EDA: variants seen among roughly 807,000 people sequenced by gnomAD.
EDA encodes the protein ectodysplasin A.
In EDA, 2 loss-of-function variants were observed where a neutral mutation model predicts 23.6. The ratio of observed to expected loss-of-function variants is 0.08; its 90% CI spans 0.03 to 0.27. The LOEUF is 0.27. Among genes scored for constraint, EDA ranks in the 10% least tolerant of loss-of-function variants. The pLI, the probability that EDA is intolerant of heterozygous loss-of-function variation, is 1.00. For missense variants in EDA, 229 were observed against 324.2 expected, an observed-to-expected ratio of 0.71 and a Z score of 2.26; for synonymous variants, 131 against 132.0, an observed-to-expected ratio of 0.99 and a Z score of 0.05.
At chrX:69,803,387 T>A (rs2015740852) in intron 1 of EDA, among the ~76,000 whole-genome samples, 1 of 110,946 alleles carries the variant, frequency 9.0e-6, no homozygotes, top group South Asian at 3.8e-4. Flanking sequence ...TAGTGTTTTT[T>A]AAAACTTAGG....
chrX:69,669,787 G>A (rs966563104), intron 1 of EDA, among the ~76,000 whole-genome samples: 7 of 110,935 alleles, frequency 6.3e-5, no homozygotes, highest in African/African-American at 2.3e-4. Flanking sequence ...ACTGAGCATA[G>A]TACCTAATAG....
chrX:69,794,945 T>A (rs773942710), intron 1 of EDA, among the ~76,000 whole-genome samples: 22 of 112,185 alleles, frequency 2.0e-4, no homozygotes, highest in African/African-American at 6.8e-4. Flanking sequence ...TGCAAATGAA[T>A]TTGAAACTCT....
chrX:69,904,252 A>G (rs761086774), intron 1 of EDA, among the ~76,000 whole-genome samples: 15 of 112,292 alleles, frequency 1.3e-4, no homozygotes, highest in Non-Finnish European at 2.4e-4. Flanking sequence ...ATATACAAGA[A>G]TTATTGTTAA....
At chrX:70,025,585 T>C (rs1013981379) in intron 3 of EDA, among the ~76,000 whole-genome samples, 1 of 111,902 alleles carries the variant, frequency 8.9e-6, no homozygotes, top group African/African-American at 3.2e-5. Context: ...CCAAAGTGTG[T>C]CTGTGGCAGA....
intron 2 of EDA, among the ~76,000 whole-genome samples, chrX:70,011,222 T>G (rs2019870658): frequency 9.0e-6 from 1 of 111,689 alleles, no homozygotes; most frequent in African/African-American, 3.3e-5. Context: ...CATTTTGAAA[T>G]AACACTATAC....
chrX:69,723,461 A>C (rs1422205869), intron 1 of EDA, among the ~76,000 whole-genome samples: 1 of 111,974 alleles, frequency 8.9e-6, no homozygotes, highest in Non-Finnish European at 1.9e-5. Flanking sequence ...AGTAACTTGA[A>C]CTTTCTGAAC....
In EDA at chrX:69,682,358, G is replaced by C. The variant is rs192542462; in HGVS notation, c.396+65654G>C. 3.5e-5 allele frequency among the ~76,000 whole-genome samples: 4 copies of C among 112,728 alleles called. No homozygotes were observed. The Admixed American group carries it at 3.7e-4, about 10-fold the overall frequency. ...CTGTGGTGGGCTCCACCCAGTTGGA[G>C]CTTCCAGTCTGCTTTGTTCACCTAA... is the stretch of plus-strand genomic sequence containing the variant. On this transcript the variant is annotated intron_variant, in intron 1 of 7. Transcript: ENST00000374552.
At chrX:69,765,107 C>A (rs911893131) in intron 1 of EDA, among the ~76,000 whole-genome samples, 1 of 111,543 alleles carries the variant, frequency 9.0e-6, no homozygotes, top group Non-Finnish European at 1.9e-5. Context: ...ACTGAACAGC[C>A]AGAACTTTCT....
At chrX:69,735,594 T>C (rs192964477) in intron 1 of EDA, among the ~76,000 whole-genome samples, 51 of 111,817 alleles carry the variant, frequency 4.6e-4, no homozygotes, top group African/African-American at 1.6e-3. Context: ...TCTGTGCATG[T>C]ACAGCTTAGG....
At chrX:69,875,357 G>C (rs1427983656) in intron 1 of EDA, among the ~76,000 whole-genome samples, 2 of 111,566 alleles carry the variant, frequency 1.8e-5, no homozygotes, top group Admixed American at 9.5e-5. Flanking sequence ...CTTCAACAAA[G>C]CAAACAAAAA....
At chrX:69,698,139 C>A (rs761176320) in intron 1 of EDA, among the ~76,000 whole-genome samples, 9 of 111,891 alleles carry the variant, frequency 8.0e-5, no homozygotes, top group Admixed American at 2.8e-4. Context: ...GTTGCGGAGG[C>A]CATTTGTCCT....
rs1357048756 is a variant in EDA at position 69,765,303 on chromosome X, A to T, written c.396+148599A>T. Among the ~76,000 whole-genome samples, 4 of 112,612 alleles carry T rather than the reference A, an allele frequency of 3.6e-5. No homozygotes were observed. The East Asian group carries it at 1.1e-3, about 31-fold the overall frequency. Reference sequence around the variant, plus strand: ...TTATATAGGTTCTATCTACCTTGTTATACAAAAGATAATATTACCTGGTTT... The same window carrying T: ...TTATATAGGTTCTATCTACCTTGTTTTACAAAAGATAATATTACCTGGTTT... On this transcript the variant is annotated intron_variant, in intron 1 of 7. Coordinates refer to ENST00000374552, the MANE Select transcript of EDA (RefSeq NM_001399.5).
intron 1 of EDA, among the ~76,000 whole-genome samples, chrX:69,623,732 A>T (rs1932277120): frequency 9.2e-6 from 1 of 108,352 alleles, no homozygotes; most frequent in African/African-American, 3.4e-5. Context: ...CACAGGAACA[A>T]TGCAAGGTAG....
At chrX:69,687,577 A>T (rs1176093467) in intron 1 of EDA, 1 of 111,632 alleles carries the variant, frequency 9.0e-6, no homozygotes. Context: ...TTAATGTCCA[A>T]TTTATCTAAT....
At chrX:69,913,657 A>G (rs1180500360) in intron 1 of EDA, among the ~76,000 whole-genome samples, 1 of 112,052 alleles carries the variant, frequency 8.9e-6, no homozygotes, top group African/African-American at 3.2e-5. Flanking sequence ...TTTCCTTCAA[A>G]CACTTTTCCT....
In EDA at chrX:69,663,301, G is replaced by A. The variant is rs147596492; in HGVS notation, c.396+46597G>A. 6.2e-5 allele frequency among the ~76,000 whole-genome samples: 7 copies of A among 112,153 alleles called. No homozygotes were observed. The East Asian group carries it at 2.0e-3, about 32-fold the overall frequency. ...GCCTGGGTCCAGGGATCCCCCTGCTGTATGTGCAGCCCAGGGACTTGGTGT... is the reference window on the plus strand; with the variant it reads ...GCCTGGGTCCAGGGATCCCCCTGCTATATGTGCAGCCCAGGGACTTGGTGT... On this transcript the variant is annotated intron_variant, in intron 1 of 7. Transcript: ENST00000374552.
At chrX:69,660,790 C>T (rs957537988) in intron 1 of EDA, among the ~76,000 whole-genome samples, 1 of 111,351 alleles carries the variant, frequency 9.0e-6, no homozygotes, top group African/African-American at 3.3e-5. Flanking sequence ...TGAATAGTGC[C>T]GCAATAAACA....
At chrX:69,917,583 T>G (rs1264144408) in intron 1 of EDA, among the ~76,000 whole-genome samples, 2 of 111,500 alleles carry the variant, frequency 1.8e-5, no homozygotes. Context: ...TCCTCAAACC[T>G]TCCTTTACCT....
intron 1 of EDA, among the ~76,000 whole-genome samples, chrX:69,636,156 A>G: frequency 9.0e-6 from 1 of 110,682 alleles, no homozygotes; most frequent in East Asian, 2.9e-4. Flanking sequence ...TGTTTGAGTC[A>G]TGGGGGCAGA....
Sources: allele counts gnomAD v4.1 joint callset (sites outside exome capture counted in the v4.1 genomes callset), GRCh38; gene constraint gnomAD v4.1.1; transcripts MANE v1.5; gene names NCBI Gene and HGNC (gene_info 2026-07-23, HGNC 2026-07-21).